The following MACROD2 variants were observed in gnomAD, a reference collection of about 807,000 sequenced individuals.
The protein encoded by MACROD2 is ADP-ribose glycohydrolase MACROD2.
MACROD2 carries 36 observed loss-of-function variants against 70.4 expected under a neutral mutation model. The observed-to-expected ratio is 0.51, with a 90% CI of 0.39 to 0.68. The LOEUF is 0.68. Ranked by LOEUF, MACROD2 falls within the 30% of genes least tolerant of loss-of-function variation. The pLI is 0.00. For missense variants in MACROD2, 496 were observed against 538.4 expected, an observed-to-expected ratio of 0.92 and a Z score of 0.78; for synonymous variants, 172 against 178.8, an observed-to-expected ratio of 0.96 and a Z score of 0.30.
chr20:15,271,042 G>A (rs1376228715), intron 6 of MACROD2, among the ~76,000 whole-genome samples: 1 of 152,178 alleles, frequency 6.6e-6, no homozygotes, highest in African/African-American at 2.4e-5. Flanking sequence ...CCAAAACTGT[G>A]TAAGCTTCAG....
At position 15,728,790 on chromosome 20, in the gene MACROD2, T is replaced by C. The variant is rs565839486; in HGVS notation, c.646-133955T>C. On this transcript the variant is annotated intron_variant, in intron 8 of 17. Transcript: ENST00000684519. The stretch of plus-strand genomic sequence containing the variant: ...TTTGTTTGTTTGAATCTTCTTTTTT[T>C]ATTAGACTAGCTAGTGTCCTATAAA... Among the ~76,000 whole-genome samples, 31 of 152,216 alleles carry C rather than the reference T, an allele frequency of 2.0e-4. No individual in the cohort carries two copies. The South Asian group carries it at 4.1e-3, about 20-fold the overall frequency.
At chr20:15,518,925 A>G (rs888599276) in intron 8 of MACROD2, among the ~76,000 whole-genome samples, 10 of 152,314 alleles carry the variant, frequency 6.6e-5, no homozygotes, top group African/African-American at 1.9e-4. Context: ...AGAACCTATC[A>G]TAAGATTGGT....
intron 8 of MACROD2, among the ~76,000 whole-genome samples, chr20:15,611,178 A>G (rs2048964557): frequency 6.6e-6 from 1 of 151,976 alleles, no homozygotes; most frequent in Non-Finnish European, 1.5e-5. Flanking sequence ...GACACTGCAC[A>G]TGATGTGAAT....
chr20:14,897,892 A>G (rs925113688), intron 5 of MACROD2, among the ~76,000 whole-genome samples: 6 of 151,960 alleles, frequency 3.9e-5, no homozygotes, highest in Non-Finnish European at 5.9e-5. Flanking sequence ...AGTGGCCAAC[A>G]CCTCTCTTAA....
At chr20:14,647,726 C>T (rs968631067) in intron 4 of MACROD2, among the ~76,000 whole-genome samples, 1 of 152,124 alleles carries the variant, frequency 6.6e-6, no homozygotes, top group Non-Finnish European at 1.5e-5. Context: ...GATAAATATT[C>T]CTGTCACTCT....
At chr20:14,868,713 T>G (rs1055442955) in intron 5 of MACROD2, among the ~76,000 whole-genome samples, 11 of 152,258 alleles carry the variant, frequency 7.2e-5, no homozygotes, top group African/African-American at 2.6e-4. Context: ...TGTTTTCCTT[T>G]CAACATATTA....
At chr20:14,961,524 G>T (rs2122767752) in intron 5 of MACROD2, among the ~76,000 whole-genome samples, 1 of 152,140 alleles carries the variant, frequency 6.6e-6, no homozygotes, top group Non-Finnish European at 1.5e-5. Context: ...TGTTTTTTGG[G>T]TTGTTGTTTT....
chr20:14,018,348 TTAGGTG>T (rs1290879851), intron 2 of MACROD2, among the ~76,000 whole-genome samples: 3 of 152,146 alleles, frequency 2.0e-5, no homozygotes, highest in Non-Finnish European at 4.4e-5. Flanking sequence ...CTTAAGTTCC[TTAGGTG>T]TAAAGTTACG....
At chr20:14,350,183 C>G (rs2083109382) in intron 3 of MACROD2, among the ~76,000 whole-genome samples, 1 of 152,112 alleles carries the variant, frequency 6.6e-6, no homozygotes, top group Admixed American at 6.6e-5. Context: ...AGTTCTGGAA[C>G]AAACATGAGC....
At chr20:15,293,137 T>A (rs2077556104) in intron 6 of MACROD2, among the ~76,000 whole-genome samples, 1 of 152,230 alleles carries the variant, frequency 6.6e-6, no homozygotes, top group African/African-American at 2.4e-5. Flanking sequence ...AAATTCTACC[T>A]TTAAGGGCTA....
At chr20:14,073,046 G>C (rs1272058819) in intron 2 of MACROD2, among the ~76,000 whole-genome samples, 2 of 151,922 alleles carry the variant, frequency 1.3e-5, no homozygotes, top group African/African-American at 4.8e-5. Flanking sequence ...ATAAAGATGA[G>C]ATTACGCGGC....
intron 6 of MACROD2, among the ~76,000 whole-genome samples, chr20:15,347,963 T>A (rs2078184581): frequency 6.6e-6 from 1 of 152,322 alleles, no homozygotes; most frequent in East Asian, 1.9e-4. Context: ...TTCTCAGGAT[T>A]TTCCTTGCAA....
At position 15,454,406 on chromosome 20, in the gene MACROD2, AACACACACACACACACAC is replaced by A. The variant is rs10523169; in HGVS notation, c.571+23002_571+23019del. On this transcript the variant is annotated intron_variant, in intron 7 of 17. Transcript: ENST00000684519. The stretch of plus-strand genomic sequence containing the variant: ...ATATCCCTCTCATTTGACATATTCA[AACACACACACACACACAC>A]ACACACACACACACACACACACACA... Among the ~76,000 whole-genome samples the A allele has an allele frequency of 2.9e-3, 400 of 137,516 alleles. 2 individuals carry two copies. Among genetic ancestry groups the A allele is most frequent in the African/African-American group, 3.6e-3 (127 of 35,050 alleles). The allele number at this position is 137,516 out of a possible 152,430, so 90.2% of individuals were successfully genotyped here. A position where few individuals can be genotyped will look rare whatever the true frequency, so the allele number is the denominator to read the frequency against.
intron 3 of MACROD2, among the ~76,000 whole-genome samples, chr20:14,363,833 A>C (rs1447110986): frequency 6.7e-6 from 1 of 150,056 alleles, no homozygotes; most frequent in African/African-American, 2.4e-5. Context: ...AAAAAAAAAA[A>C]AAAAAAAAAA....
chr20:14,732,156 A>G (rs1055217935), intron 5 of MACROD2, among the ~76,000 whole-genome samples: 15 of 152,204 alleles, frequency 9.9e-5, no homozygotes, highest in Non-Finnish European at 2.1e-4. Context: ...TAGTCCAGTA[A>G]GACTTTGAAA....
At chr20:14,599,257 G>C (rs1208381812) in intron 4 of MACROD2, among the ~76,000 whole-genome samples, 1 of 152,172 alleles carries the variant, frequency 6.6e-6, no homozygotes, top group African/African-American at 2.4e-5. Flanking sequence ...GGGCACTTCT[G>C]TTGTGCCCTA....
intron 6 of MACROD2, among the ~76,000 whole-genome samples, chr20:15,232,337 AAACTT>A (rs1175375323): frequency 1.3e-5 from 2 of 152,200 alleles, no homozygotes; most frequent in East Asian, 3.9e-4. Flanking sequence ...GATGAAAAAT[AAACTT>A]AACTTGAACT....
intron 5 of MACROD2, among the ~76,000 whole-genome samples, chr20:15,134,248 G>A (rs1364514339): frequency 6.7e-6 from 1 of 148,786 alleles, no homozygotes; most frequent in African/African-American, 2.5e-5. Context: ...CCCGAGCCGG[G>A]CAGGGTGGCT....
At chr20:14,846,580 C>G (rs1013012101) in intron 5 of MACROD2, among the ~76,000 whole-genome samples, 11 of 151,512 alleles carry the variant, frequency 7.3e-5, no homozygotes, top group Admixed American at 5.9e-4. Context: ...TACAGTGGCA[C>G]GATCTCAGCT....
Sources: allele counts gnomAD v4.1 joint callset (sites outside exome capture counted in the v4.1 genomes callset), GRCh38; gene constraint gnomAD v4.1.1; transcripts MANE v1.5; gene names NCBI Gene and HGNC (gene_info 2026-07-23, HGNC 2026-07-21).